The following ATG5 variants were observed in gnomAD, a reference collection of about 807,000 sequenced individuals.
ATG5 encodes autophagy related 5.
Under a neutral mutation model 36.5 loss-of-function variants are expected in ATG5, and 14 were observed. The ratio of observed to expected loss-of-function variants is 0.38; its 90% CI spans 0.25 to 0.60. ATG5 has a LOEUF of 0.60. Ranked by LOEUF, ATG5 falls within the 20% of genes least tolerant of loss-of-function variation. ATG5 has a pLI of 0.60. For synonymous variants in ATG5, 95 were observed against 101.5 expected (o/e 0.94, Z 0.38); for missense variants, 195 against 326.7 (o/e 0.60, Z 3.11).
At chr6:106,285,967 T>C (rs537791654) in intron 4 of ATG5, among the ~76,000 whole-genome samples, 1 of 151,480 alleles carries the variant, frequency 6.6e-6, no homozygotes, top group East Asian at 1.9e-4. Context: ...CTGCCTAGTA[T>C]GTAGCCAGAT....
At chr6:106,317,461 A>C (rs1770894963) in intron 1 of ATG5, among the ~76,000 whole-genome samples, 1 of 152,186 alleles carries the variant, frequency 6.6e-6, no homozygotes, top group Admixed American at 6.5e-5. Context: ...AATTAGTTAA[A>C]GAAAGAAAAA....
intron 4 of ATG5, chr6:106,283,748 C>T (rs1050923454): frequency 5.3e-5 from 8 of 152,176 alleles, no homozygotes; most frequent in South Asian, 2.1e-4. Context: ...ACCAATGAAA[C>T]GATCTGTGCA....
chr6:106,247,425 C>CT (rs978899093), intron 6 of ATG5, among the ~76,000 whole-genome samples: 1 of 152,194 alleles, frequency 6.6e-6, no homozygotes, highest in African/African-American at 2.4e-5. Context: ...GTGAGAAAGA[C>CT]TTAAGAGCCT....
intron 6 of ATG5, among the ~76,000 whole-genome samples, chr6:106,215,433 T>A (rs1172709389): frequency 6.6e-6 from 1 of 152,212 alleles, no homozygotes; most frequent in East Asian, 1.9e-4. Flanking sequence ...TTATTTTGTT[T>A]CTAACACAAA....
At chr6:106,304,465 T>C (rs1770352844) in intron 3 of ATG5, among the ~76,000 whole-genome samples, 1 of 152,104 alleles carries the variant, frequency 6.6e-6, no homozygotes, top group South Asian at 2.1e-4. Flanking sequence ...ATTTGTGGTA[T>C]AACCATACAG....
chr6:106,218,194 A>T (rs1435265600), intron 6 of ATG5, among the ~76,000 whole-genome samples: 1 of 152,166 alleles, frequency 6.6e-6, no homozygotes, highest in African/African-American at 2.4e-5. Context: ...ACTTATTTTA[A>T]ATCCCTCTTC....
At chr6:106,291,897 C>A (rs1342365117) in intron 4 of ATG5, among the ~76,000 whole-genome samples, 8 of 152,198 alleles carry the variant, frequency 5.3e-5, no homozygotes, top group Admixed American at 5.2e-4. Context: ...GTGCAAAGCA[C>A]ATTATAATAA....
At chr6:106,245,245 T>C (rs1406976089) in intron 6 of ATG5, among the ~76,000 whole-genome samples, 5 of 152,214 alleles carry the variant, frequency 3.3e-5, no homozygotes, top group African/African-American at 7.2e-5. Flanking sequence ...GAGCTCATGA[T>C]AAATGAATTA....
intron 6 of ATG5, among the ~76,000 whole-genome samples, chr6:106,246,173 T>C (rs574276812): frequency 6.6e-6 from 1 of 152,136 alleles, no homozygotes; most frequent in Non-Finnish European, 1.5e-5. Flanking sequence ...GAACCTATAT[T>C]GTCCTTAGGC....
intron 6 of ATG5, among the ~76,000 whole-genome samples, chr6:106,243,303 G>A (rs1359487978): frequency 1.3e-5 from 2 of 152,116 alleles, no homozygotes; most frequent in Non-Finnish European, 2.9e-5. Flanking sequence ...TAAACAAAAC[G>A]AAGTTCAAAT....
chr6:106,222,908 TA>T (rs1413109235), intron 6 of ATG5, among the ~76,000 whole-genome samples: 1 of 152,204 alleles, frequency 6.6e-6, no homozygotes, highest in African/African-American at 2.4e-5. Context: ...TAAAGCGCAA[TA>T]AATGTTAGCT....
intron 6 of ATG5, among the ~76,000 whole-genome samples, chr6:106,207,353 A>C (rs1459093209): frequency 6.6e-6 from 1 of 152,172 alleles, no homozygotes; most frequent in Non-Finnish European, 1.5e-5. Flanking sequence ...AGGAAACCTT[A>C]TGTATTTTCT....
At chr6:106,236,709 A>T (rs1582591306) in intron 6 of ATG5, among the ~76,000 whole-genome samples, 1 of 152,330 alleles carries the variant, frequency 6.6e-6, no homozygotes, top group East Asian at 1.9e-4. Flanking sequence ...TATTTCCCTC[A>T]AGTGAATAAA....
chr6:106,287,044 A>C (rs1471322373), intron 4 of ATG5, among the ~76,000 whole-genome samples: 2 of 152,242 alleles, frequency 1.3e-5, no homozygotes, highest in Non-Finnish European at 2.9e-5. Context: ...AATTTGTCAG[A>C]CAATAGTAGA....
intron 7 of ATG5, among the ~76,000 whole-genome samples, chr6:106,201,217 T>A (rs939292016): frequency 4.6e-5 from 7 of 152,078 alleles, no homozygotes; most frequent in Non-Finnish European, 1.0e-4. Flanking sequence ...CCCATGGATA[T>A]GAAGGGCCAA....
chr6:106,224,191 A>G (rs970979146), intron 6 of ATG5, among the ~76,000 whole-genome samples: 1 of 152,242 alleles, frequency 6.6e-6, no homozygotes, highest in Non-Finnish European at 1.5e-5. Flanking sequence ...TTAGGGGAAT[A>G]GCATGCAGTG....
chr6:106,262,561 G>T (rs1779063367), intron 5 of ATG5, among the ~76,000 whole-genome samples: 1 of 152,170 alleles, frequency 6.6e-6, no homozygotes. Flanking sequence ...TTCTCGAGTT[G>T]ATAAGATGGC....
intron 6 of ATG5, among the ~76,000 whole-genome samples, chr6:106,219,800 CA>C (rs1777172140): frequency 6.6e-6 from 1 of 152,110 alleles, no homozygotes; most frequent in Non-Finnish European, 1.5e-5. Flanking sequence ...ATAATTGTGT[CA>C]CAACATATAC....
intron 6 of ATG5, among the ~76,000 whole-genome samples, chr6:106,236,401 G>A (rs1467885321): frequency 6.6e-6 from 1 of 152,088 alleles, no homozygotes; most frequent in Non-Finnish European, 1.5e-5. Flanking sequence ...GAAAGAAACT[G>A]GTAAACTCTT....
Sources: gnomAD v4.1 joint callset for allele counts (sites outside exome capture counted in the v4.1 genomes callset) on GRCh38, gnomAD v4.1.1 for gene constraint, MANE v1.5 for transcripts, NCBI Gene and HGNC (gene_info 2026-07-23, HGNC 2026-07-21) for gene names.